Variants in ENTPD7 observed in about 807,000 individuals in gnomAD.
ENTPD7 encodes NTPDase 7.
A neutral mutation model predicts 77.9 loss-of-function variants in ENTPD7; 53 were observed. That is an observed-to-expected ratio of 0.68 (90% CI 0.55 to 0.85). The LOEUF (loss-of-function observed/expected upper bound fraction) is 0.85. ENTPD7 is among the 40% of genes least tolerant of loss of function. The pLI, the probability that ENTPD7 is intolerant of heterozygous loss-of-function variation, is 0.00. For missense variants in ENTPD7, 636 were observed against 743.7 expected, an observed-to-expected ratio of 0.86 and a Z score of 1.68; for synonymous variants, 248 against 274.9, an observed-to-expected ratio of 0.90 and a Z score of 0.97.
chr10:99,704,680 G>C lies in ENTPD7; in HGVS notation c.1812G>C (p.Pro604=). 1 of 1,612,382 alleles carries C rather than the reference G, an allele frequency of 6.2e-7. No individual in the cohort carries two copies. Among genetic ancestry groups the C allele is most frequent in the Non-Finnish European group, 8.5e-7 (1 of 1,179,208 alleles). The part of the protein sequence containing the change: ...VVPMMGVQVG[P] ...CCATGATGGGAGTACAGGTGGGGCCGTGAGGCTGGACCAGGACTAGAGAAG... is the reference window on the plus strand; with the variant it reads ...CCATGATGGGAGTACAGGTGGGGCCCTGAGGCTGGACCAGGACTAGAGAAG... Residue 604 remains proline, a synonymous_variant, in exon 13 of 13, where the codon CCG becomes CCC. Coordinates refer to ENST00000370489, the MANE Select transcript of ENTPD7 (RefSeq NM_020354.5).
In ENTPD7 at chr10:99,711,034, T is replaced by C. The variant is rs2036366138; in HGVS notation, c.*6351T>C. 1 of 985,260 alleles carries C rather than the reference T, an allele frequency of 1.0e-6. No homozygotes were observed. Among genetic ancestry groups the C allele is most frequent in the Non-Finnish European group, 1.2e-6 (1 of 829,894 alleles). The allele number at this position is 985,260 out of a possible 1,614,324, so 61.0% of individuals were successfully genotyped here. Reference sequence around the variant, plus strand: ...GAACATCAATCTGTAATTATCCATTTTCCATTCATGCATTCACTAATTCAA... The same window carrying C: ...GAACATCAATCTGTAATTATCCATTCTCCATTCATGCATTCACTAATTCAA... On this transcript the variant is annotated 3_prime_UTR_variant, in exon 13 of 13. Coordinates refer to ENST00000370489, the MANE Select transcript of ENTPD7 (RefSeq NM_020354.5).
chr10:99,664,961 C>T (rs947498278), intron 3 of ENTPD7, among the ~76,000 whole-genome samples: 3 of 151,880 alleles, frequency 2.0e-5, no homozygotes, highest in African/African-American at 7.3e-5. Context: ...GGTTGAAAAA[C>T]AGCAGACTGC....
chr10:99,695,826 G>A, intron 8 of ENTPD7, 130 bp from the exon 9 acceptor site: 1 of 806,652 alleles, frequency 1.2e-6, no homozygotes, highest in Admixed American at 3.3e-5. Context: ...AATGCTATGA[G>A]GATGAAAGAA....
chr10:99,681,157 T>C (rs2133462471), intron 5 of ENTPD7, among the ~76,000 whole-genome samples: 1 of 152,360 alleles, frequency 6.6e-6, no homozygotes, highest in African/African-American at 2.4e-5. Flanking sequence ...TTGGTTATTG[T>C]AAATAATGCT....
Position 99,679,895 on chromosome 10 carries a change from A to T in ENTPD7, c.548+20A>T, listed in dbSNP as rs369220181. 2.5e-6 allele frequency: 4 copies of T among 1,596,444 alleles called. No homozygotes were observed. Among genetic ancestry groups the T allele is most frequent in the Non-Finnish European group, 3.4e-6 (4 of 1,173,672 alleles). ...TGAGAGGTGAGATGCAGGGTACAGG[A>T]AACACAGGAAAACGGTGGCACAAGA... is the stretch of plus-strand genomic sequence containing the variant. On this transcript the variant is annotated intron_variant, in intron 5 of 12. Transcript: ENST00000370489.
intron 9 of ENTPD7, chr10:99,697,619 C>T (rs2133498861): frequency 6.4e-6 from 1 of 155,574 alleles, no homozygotes; most frequent in East Asian, 1.9e-4. Flanking sequence ...TGTCTCTTCT[C>T]AATAACAATT....
chr10:99,681,572 G>A (rs781381295), intron 5 of ENTPD7, among the ~76,000 whole-genome samples: 9 of 152,066 alleles, frequency 5.9e-5, no homozygotes, highest in East Asian at 1.9e-4. Context: ...GTGAGCCACC[G>A]TACCCGGCCT....
At chr10:99,699,028 G>A (rs1241076728) in intron 10 of ENTPD7, among the ~76,000 whole-genome samples, 170 bp downstream of exon 10, 1 of 152,152 alleles carries the variant, frequency 6.6e-6, no homozygotes, top group Non-Finnish European at 1.5e-5. Context: ...GAGAACTTAA[G>A]GATCTAGCTA....
Position 99,708,864 on chromosome 10 carries a change from G to A in ENTPD7, c.*4181G>A. 1.0e-6 allele frequency: 1 copy of A among 985,338 alleles called. No individual in the cohort carries two copies. The highest frequency in any genetic ancestry group is 1.2e-6 in the Non-Finnish European group (1 of 829,910). 61.0% of individuals were successfully genotyped at this position (985,338 alleles called of 1,614,324 possible). On this transcript the variant is annotated 3_prime_UTR_variant, in exon 13 of 13. Transcript: ENST00000370489. ...AGCTACAATGAAATGCTCATTAACAGAATCTTTCTGCAAGTATAAACAGAA... is the reference window on the plus strand; with the variant it reads ...AGCTACAATGAAATGCTCATTAACAAAATCTTTCTGCAAGTATAAACAGAA...
At chr10:99,684,505 T>G (rs1283002773) in intron 5 of ENTPD7, among the ~76,000 whole-genome samples, 1 of 152,250 alleles carries the variant, frequency 6.6e-6, no homozygotes, top group African/African-American at 2.4e-5. Flanking sequence ...TTGAAATTCT[T>G]ATTGCAAGAA....
chr10:99,661,543 T>A lies in ENTPD7; in HGVS notation c.106T>A (p.Phe36Ile). The part of the protein sequence containing the change: ...RQRVAFLGLF[F>I]ISCLLLLMLI... ...GCGGGTGGCATTCCTGGGACTCTTC[T>A]TCATATCCTGTCTCCTTTTACTTAT... is the stretch of plus-strand genomic sequence containing the variant. Residue 36 changes from phenylalanine (F) to isoleucine (I), a missense_variant, in exon 3 of 13, where the codon TTC becomes ATC. Around this residue, in one of 3 missense-constraint regions of ENTPD7, gnomAD observed 486 missense variants for 556.5 expected, o/e 0.87. Transcript: ENST00000370489. 1 of 1,614,034 alleles carries A rather than the reference T, an allele frequency of 6.2e-7. No individual in the cohort carries two copies. The highest frequency in any genetic ancestry group is 8.5e-7 in the Non-Finnish European group (1 of 1,179,966).
chr10:99,710,497 T>A lies in ENTPD7; in HGVS notation c.*5814T>A, dbSNP rs1174860045. The A allele has an allele frequency of 2.0e-6, 2 of 985,202 alleles. No homozygotes were observed. Among genetic ancestry groups the A allele is most frequent in the Non-Finnish European group, 2.4e-6 (2 of 829,928 alleles). 61.0% of individuals were successfully genotyped at this position (985,202 alleles called of 1,614,324 possible). Reference sequence around the variant, plus strand: ...GCCTGTATTACATTGCTTTGGGGAGTTGTTAAGACTCTGTTTTTTCTACTG... The same window carrying A: ...GCCTGTATTACATTGCTTTGGGGAGATGTTAAGACTCTGTTTTTTCTACTG... On this transcript the variant is annotated 3_prime_UTR_variant, in exon 13 of 13. Transcript: ENST00000370489.
rs1389204681 is a variant in ENTPD7 at position 99,659,512 on chromosome 10, G to A, written c.-172G>A. ...CGCCGCCGGCCGGGCCCTCCTTCCG[G>A]CTGGGCAAGGGGCCGCGGGGAGCAG... On this transcript the variant is annotated 5_prime_UTR_variant, in exon 1 of 13. Coordinates refer to ENST00000370489, the MANE Select transcript of ENTPD7 (RefSeq NM_020354.5). This position sits in a 1 kb window ranked among gnomAD's most constrained non-coding sequence, Gnocchi z 4.1. 1 of 154,790 alleles carries A rather than the reference G, an allele frequency of 6.5e-6. No homozygotes were observed. The highest frequency in any genetic ancestry group is 2.0e-4 in the South Asian group (1 of 4,898). The allele number at this position is 154,790 out of a possible 1,614,324, so 9.6% of individuals were successfully genotyped here. A position where few individuals can be genotyped will look rare whatever the true frequency, so the allele number is the denominator to read the frequency against.
chr10:99,675,838 C>CA (rs2035675137), intron 3 of ENTPD7, among the ~76,000 whole-genome samples: 2 of 152,130 alleles, frequency 1.3e-5, no homozygotes, highest in South Asian at 4.2e-4. Context: ...CCTCATGATC[C>CA]ACCCACCTCG....
intron 6 of ENTPD7, among the ~76,000 whole-genome samples, chr10:99,687,388 C>T (rs2035829209): frequency 1.3e-5 from 2 of 150,650 alleles, no homozygotes; most frequent in Non-Finnish European, 3.0e-5. Flanking sequence ...GCCTCAGCCT[C>T]CCGAGTAGCT....
intron 3 of ENTPD7, among the ~76,000 whole-genome samples, chr10:99,671,214 TTTTC>T (rs1165102765): frequency 1.3e-5 from 2 of 152,086 alleles, no homozygotes; most frequent in South Asian, 2.1e-4. Context: ...TTAAAAATTT[TTTTC>T]TTTCTTCAAT....
chr10:99,668,374 G>A (rs1208527228), intron 3 of ENTPD7, among the ~76,000 whole-genome samples: 1 of 152,164 alleles, frequency 6.6e-6, no homozygotes, highest in Non-Finnish European at 1.5e-5. Flanking sequence ...ACTGCTTTAA[G>A]ATTTGGTTAC....
Position 99,698,526 on chromosome 10 carries a change from T to C in ENTPD7, c.1011-8T>C, listed in dbSNP as rs2036034965. ...TTGTTTGTTTGTTTGTTTTTGTCAT[T>C]GTGGCAGATTGCTTGGTCAGAAGAC... On this transcript the variant is annotated splice_region_variant and splice_polypyrimidine_tract_variant and intron_variant, in intron 9 of 12. Transcript: ENST00000370489. The C allele has an allele frequency of 6.2e-7, 1 of 1,611,258 alleles. No individual in the cohort carries two copies. Among genetic ancestry groups the C allele is most frequent in the South Asian group, 1.1e-5 (1 of 90,902 alleles).
intron 8 of ENTPD7, 131 bp from the exon 9 acceptor site, chr10:99,695,824 GA>G: frequency 1.3e-6 from 1 of 779,452 alleles, no homozygotes; most frequent in Non-Finnish European, 1.9e-6. Context: ...ATAATGCTAT[GA>G]GGATGAAAGA....
Sources: allele counts gnomAD v4.1 joint callset (sites outside exome capture counted in the v4.1 genomes callset), GRCh38; gene constraint gnomAD v4.1.1; regional missense constraint gnomAD v4.1.1; non-coding constraint Gnocchi (gnomAD v3.1); transcripts MANE v1.5; gene names NCBI Gene and HGNC (gene_info 2026-07-23, HGNC 2026-07-21).